The following MAGI2 variants were observed in gnomAD, a reference collection of about 807,000 sequenced individuals.
MAGI2 encodes membrane-associated guanylate kinase, WW and PDZ domain-containing protein 2.
Under a neutral mutation model 133.3 loss-of-function variants are expected in MAGI2, and 35 were observed. The ratio of observed to expected loss-of-function variants is 0.26; its 90% confidence interval spans 0.20 to 0.35. MAGI2 has a LOEUF of 0.35. Among genes scored for constraint, MAGI2 ranks in the 10% least tolerant of loss-of-function variants. The probability of loss-of-function intolerance (pLI) is 1.00; values close to 1 mark genes in which losing one functional copy is unlikely to be tolerated. For missense variants in MAGI2, 1,636 were observed against 1,863.4 expected (o/e 0.88, Z 2.25); for synonymous variants, 729 against 710.6 (o/e 1.03, Z -0.41).
At chr7:79,016,742 G>A (rs2116643988) in intron 1 of MAGI2, among the ~76,000 whole-genome samples, 1 of 152,244 alleles carries the variant, frequency 6.6e-6, no homozygotes, top group South Asian at 2.1e-4. Context: ...TGGAGCATTG[G>A]CTAGCATGGA....
intron 1 of MAGI2, among the ~76,000 whole-genome samples, chr7:79,118,897 A>C (rs774921475): frequency 2.0e-5 from 3 of 152,102 alleles, no homozygotes; most frequent in Non-Finnish European, 2.9e-5. Context: ...AAGACGATTT[A>C]TTCTTCTTCA....
intron 6 of MAGI2, among the ~76,000 whole-genome samples, chr7:78,476,325 C>G (rs1037900194): frequency 2.6e-5 from 4 of 151,584 alleles, no homozygotes; most frequent in Non-Finnish European, 5.9e-5. Context: ...GTTAGTTAAA[C>G]CAAAGTGAAG....
intron 2 of MAGI2, among the ~76,000 whole-genome samples, chr7:78,662,489 TCA>T (rs1177499357): frequency 3.3e-5 from 5 of 152,236 alleles, no homozygotes; most frequent in South Asian, 2.1e-4. Flanking sequence ...AAAATTATTA[TCA>T]TTTTTCTTTA....
At chr7:78,026,813 A>T (rs551817213) in intron 21 of MAGI2, among the ~76,000 whole-genome samples, 3 of 152,222 alleles carry the variant, frequency 2.0e-5, no homozygotes, top group Non-Finnish European at 4.4e-5. Context: ...ATTACAGGGC[A>T]TGAACCCAGG....
intron 1 of MAGI2, among the ~76,000 whole-genome samples, chr7:79,039,566 G>C (rs1329935228): frequency 1.3e-5 from 2 of 151,736 alleles, no homozygotes; most frequent in African/African-American, 4.8e-5. Context: ...ACAGAGTGAA[G>C]AGACAACCTA....
chr7:78,826,509 G>A (rs1488950030), intron 2 of MAGI2, among the ~76,000 whole-genome samples: 1 of 152,082 alleles, frequency 6.6e-6, no homozygotes, highest in Non-Finnish European at 1.5e-5. Flanking sequence ...TGGTAGTGGG[G>A]GCAGTGATGA....
intron 1 of MAGI2, among the ~76,000 whole-genome samples, chr7:79,118,786 G>A (rs1183399828): frequency 6.6e-6 from 1 of 152,000 alleles, no homozygotes; most frequent in Non-Finnish European, 1.5e-5. Context: ...ACTGGCCCAT[G>A]ACTACTCCCC....
chr7:78,129,935 C>CAAAAAAAAAAAAAAAAAAAA, intron 18 of MAGI2, among the ~76,000 whole-genome samples: 1 of 57,142 alleles, frequency 1.8e-5, no homozygotes, highest in Non-Finnish European at 3.1e-5. Flanking sequence ...AACTCCGCCT[C>CAAAAAAAAAAAAAAAAAAAA]AAAAAAAAAA....
intron 11 of MAGI2, among the ~76,000 whole-genome samples, chr7:78,198,309 G>A (rs1248889518): frequency 6.6e-6 from 1 of 152,230 alleles, no homozygotes; most frequent in South Asian, 2.1e-4. Context: ...GTGAATGAAT[G>A]GATGTCTGTG....
Position 78,407,689 on chromosome 7 carries a change from C to T in MAGI2, c.1046-38476G>A, listed in dbSNP as rs1373315448. ...TTTTTTAAATTCCAACGTATTTACTCAATATTATTGGCTTTAACATCTTTG... is the reference window on the plus strand; with the variant it reads ...TTTTTTAAATTCCAACGTATTTACTTAATATTATTGGCTTTAACATCTTTG... On this transcript the variant is annotated intron_variant, in intron 6 of 21. Transcript: ENST00000354212. 2.0e-5 allele frequency among the ~76,000 whole-genome samples: 3 copies of T among 151,204 alleles called. No individual in the cohort carries two copies. In the East Asian group the frequency reaches 5.8e-4, roughly 29 times the overall value.
chr7:79,324,264 A>C (rs1195162639), intron 1 of MAGI2, among the ~76,000 whole-genome samples: 1 of 151,442 alleles, frequency 6.6e-6, no homozygotes, highest in African/African-American at 2.4e-5. Flanking sequence ...GTGCTGCTGA[A>C]GCTAGCACTA....
chr7:78,288,456 G>T (rs918926513), intron 9 of MAGI2, among the ~76,000 whole-genome samples: 1 of 151,964 alleles, frequency 6.6e-6, no homozygotes, highest in African/African-American at 2.4e-5. Flanking sequence ...TCCTTCCCTA[G>T]GTTCCTTGTT....
intron 2 of MAGI2, among the ~76,000 whole-genome samples, chr7:78,679,350 A>C (rs1188064333): frequency 6.6e-6 from 1 of 152,156 alleles, no homozygotes; most frequent in Non-Finnish European, 1.5e-5. Flanking sequence ...CAGAAACCAA[A>C]TATTTTTCAT....
chr7:79,310,403 A>G (rs1285781350), intron 1 of MAGI2, among the ~76,000 whole-genome samples: 1 of 152,054 alleles, frequency 6.6e-6, no homozygotes, highest in Non-Finnish European at 1.5e-5. Flanking sequence ...AATCACCAGG[A>G]AAGCTTGCTA....
intron 3 of MAGI2, among the ~76,000 whole-genome samples, chr7:78,564,269 T>A (rs949223085): frequency 6.6e-6 from 1 of 152,188 alleles, no homozygotes; most frequent in Non-Finnish European, 1.5e-5. Context: ...TTTAGTATTA[T>A]AGGCATTAAT....
At chr7:78,988,151 C>T (rs981876079) in intron 2 of MAGI2, among the ~76,000 whole-genome samples, 4 of 151,942 alleles carry the variant, frequency 2.6e-5, no homozygotes, top group South Asian at 2.1e-4. Flanking sequence ...TAGAAGGGGA[C>T]GAGAGATGAA....
chr7:79,040,209 A>C (rs1238914941), intron 1 of MAGI2, among the ~76,000 whole-genome samples: 1 of 151,570 alleles, frequency 6.6e-6, no homozygotes, highest in African/African-American at 2.4e-5. Context: ...TTCCTCCTTC[A>C]CTCGGCACTT....
intron 2 of MAGI2, among the ~76,000 whole-genome samples, chr7:78,884,574 C>T (rs958499762): frequency 2.4e-4 from 37 of 152,090 alleles, no homozygotes; most frequent in African/African-American, 7.2e-4. Context: ...AAAAAATGCC[C>T]AACATCACTA....
At chr7:79,209,810 C>T (rs1829356648) in intron 1 of MAGI2, among the ~76,000 whole-genome samples, 1 of 151,992 alleles carries the variant, frequency 6.6e-6, no homozygotes, top group Non-Finnish European at 1.5e-5. Flanking sequence ...TATTTATCTC[C>T]TCTATAAGAC....
Sources: gnomAD v4.1 joint callset for allele counts (sites outside exome capture counted in the v4.1 genomes callset) on GRCh38, gnomAD v4.1.1 for gene constraint, MANE v1.5 for transcripts, NCBI Gene and HGNC (gene_info 2026-07-23, HGNC 2026-07-21) for gene names.